STK39: variants seen among roughly 807,000 people sequenced by gnomAD.
STK39 encodes STE20/SPS1-related proline-alanine-rich protein kinase.
STK39 carries 20 observed loss-of-function variants against 77.8 expected under a neutral mutation model. The observed-to-expected ratio is 0.26, with a 90% CI of 0.18 to 0.37. The LOEUF (loss-of-function observed/expected upper bound fraction) is 0.37. Ranked by LOEUF, STK39 falls within the 10% of genes least tolerant of loss-of-function variation. The pLI, the probability that STK39 is intolerant of heterozygous loss-of-function variation, is 1.00. For missense variants in STK39, 479 were observed against 656.5 expected (o/e 0.73, Z 2.95); for synonymous variants, 246 against 234.1 (o/e 1.05, Z -0.47).
intron 1 of STK39, among the ~76,000 whole-genome samples, chr2:168,234,096 G>A (rs953960348): frequency 6.6e-6 from 1 of 152,194 alleles, no homozygotes. Flanking sequence ...GGTGATGCCT[G>A]TCTCCTTTTT....
chr2:168,155,445 CA>C (rs544503837), intron 5 of STK39, among the ~76,000 whole-genome samples: 3 of 150,672 alleles, frequency 2.0e-5, no homozygotes, highest in East Asian at 1.9e-4. Flanking sequence ...TCACTTATGC[CA>C]AAAAAAAATT....
At chr2:168,221,590 C>G (rs1345387929) in intron 1 of STK39, among the ~76,000 whole-genome samples, 1 of 152,144 alleles carries the variant, frequency 6.6e-6, no homozygotes, top group African/African-American at 2.4e-5. Flanking sequence ...ATCAACAGTA[C>G]AACTATATAA....
intron 10 of STK39, 86 bp downstream of exon 10, chr2:168,129,454 AT>A (rs1341075215): frequency 4.2e-6 from 6 of 1,429,080 alleles, no homozygotes; most frequent in Non-Finnish European, 5.9e-6. Flanking sequence ...TATCCTGCAT[AT>A]GTGGAAATCT....
chr2:168,085,306 G>A (rs1339900096), intron 10 of STK39, among the ~76,000 whole-genome samples: 2 of 152,150 alleles, frequency 1.3e-5, no homozygotes, highest in Non-Finnish European at 2.9e-5. Context: ...CAGCAAAACT[G>A]GACAGAACCC....
At chr2:167,992,254 A>G (rs958597529) in intron 16 of STK39, among the ~76,000 whole-genome samples, 1 of 151,872 alleles carries the variant, frequency 6.6e-6, no homozygotes, top group Admixed American at 6.6e-5. Flanking sequence ...TCTTATGTCA[A>G]CTCTCCCACT....
chr2:168,190,122 T>C (rs60587303), intron 1 of STK39, among the ~76,000 whole-genome samples: 11,374 of 152,172 alleles, frequency 0.075, 1,017 homozygotes, highest in East Asian at 0.24. Context: ...CCTCCGGCCT[T>C]ATTATTCCTA....
At chr2:168,171,845 C>T (rs893355234) in intron 2 of STK39, among the ~76,000 whole-genome samples, 16 of 106,964 alleles carry the variant, frequency 1.5e-4, no homozygotes, top group Admixed American at 3.8e-4. Context: ...CATTTCCACG[C>T]CCCCCCCACT....
At chr2:168,161,766 T>G in intron 5 of STK39, 21 bp downstream of exon 5, 1 of 1,587,946 alleles carries the variant, frequency 6.3e-7, no homozygotes, top group Non-Finnish European at 8.6e-7. Flanking sequence ...AGTAAAAAAT[T>G]TTTCTATTTA....
At chr2:168,098,767 T>TA (rs199965851) in intron 10 of STK39, among the ~76,000 whole-genome samples, 31 of 150,108 alleles carry the variant, frequency 2.1e-4, no homozygotes, top group East Asian at 9.8e-4. Flanking sequence ...TTCAAAATAA[T>TA]AAAAAAAAAA....
At chr2:168,082,093 T>C (rs970996064) in intron 10 of STK39, among the ~76,000 whole-genome samples, 1 of 152,238 alleles carries the variant, frequency 6.6e-6, no homozygotes, top group Non-Finnish European at 1.5e-5. Flanking sequence ...CCCTGCTGTG[T>C]GCAAAGACAA....
At chr2:168,144,786 G>A (rs998492079) in intron 5 of STK39, among the ~76,000 whole-genome samples, 3 of 152,040 alleles carry the variant, frequency 2.0e-5, no homozygotes, top group Admixed American at 6.6e-5. Flanking sequence ...AATAGGAGAA[G>A]ACATGTTTCT....
intron 16 of STK39, among the ~76,000 whole-genome samples, chr2:167,981,571 C>T (rs368914253): frequency 2.6e-5 from 4 of 152,194 alleles, no homozygotes; most frequent in Non-Finnish European, 4.4e-5. Flanking sequence ...TTATGGAATA[C>T]AAAAAAATCA....
intron 12 of STK39, among the ~76,000 whole-genome samples, chr2:168,068,146 T>A (rs185971942): frequency 6.6e-6 from 1 of 152,290 alleles, no homozygotes; most frequent in Non-Finnish European, 1.5e-5. Context: ...TCCCATGACA[T>A]GTAGGGATTA....
At chr2:168,065,065 C>T (rs1685759590) in intron 13 of STK39, among the ~76,000 whole-genome samples, 1 of 152,136 alleles carries the variant, frequency 6.6e-6, no homozygotes, top group Non-Finnish European at 1.5e-5. Context: ...GTGTCATTTT[C>T]TTTCCTTTTC....
rs369133639 is a variant in STK39, at chr2:167,998,168, T to C, written c.1498+14466A>G. Among the ~76,000 whole-genome samples, 3 of 152,110 alleles carry C rather than the reference T, an allele frequency of 2.0e-5. No individual in the cohort carries two copies. The East Asian group carries it at 5.8e-4, about 29-fold the overall frequency. Reference sequence around the variant, plus strand: ...GATGGCTTTACCAATGCATAAACACTCCCACTCCAGAAAGCACCACTGTGG... The same window carrying C: ...GATGGCTTTACCAATGCATAAACACCCCCACTCCAGAAAGCACCACTGTGG... On this transcript the variant is annotated intron_variant, in intron 16 of 17. Transcript: ENST00000355999.
intron 10 of STK39, among the ~76,000 whole-genome samples, chr2:168,101,563 C>CATGAGACTGG (rs1686826805): frequency 6.6e-6 from 1 of 151,822 alleles, no homozygotes; most frequent in Non-Finnish European, 1.5e-5. Flanking sequence ...CATGGTGAAA[C>CATGAGACTGG]CCCATCTCTA....
intron 2 of STK39, among the ~76,000 whole-genome samples, chr2:168,179,444 C>T (rs1213082842): frequency 1.4e-5 from 2 of 147,108 alleles, no homozygotes; most frequent in African/African-American, 5.2e-5. Flanking sequence ...CCTAAAGAAC[C>T]ATAGCCATTT....
intron 14 of STK39, among the ~76,000 whole-genome samples, chr2:168,028,946 T>A (rs1362663683): frequency 6.6e-6 from 1 of 152,188 alleles, no homozygotes; most frequent in Non-Finnish European, 1.5e-5. Context: ...GCGAGGTGGG[T>A]GGAGCTGCAC....
chr2:168,106,692 C>A (rs907651158), intron 10 of STK39, among the ~76,000 whole-genome samples: 1 of 151,894 alleles, frequency 6.6e-6, no homozygotes, highest in Non-Finnish European at 1.5e-5. Flanking sequence ...CGTGGTGGTG[C>A]GCATCTGTAG....
Sources: gnomAD v4.1 joint callset for allele counts (sites outside exome capture counted in the v4.1 genomes callset) on GRCh38, gnomAD v4.1.1 for gene constraint, MANE v1.5 for transcripts, NCBI Gene and HGNC (gene_info 2026-07-23, HGNC 2026-07-21) for gene names.